Variants in SPRY3 observed in about 807,000 individuals in gnomAD.
SPRY3 encodes the protein sprouty RTK signaling antagonist 3, also known as protein sprouty homolog 3.
SPRY3 carries 15 observed loss-of-function variants against 20.2 expected under a neutral mutation model. The observed-to-expected ratio is 0.74, with a 90% CI of 0.50 to 1.14. The LOEUF (loss-of-function observed/expected upper bound fraction) is 1.14, where lower values mean the gene tolerates loss of function less well. SPRY3 is among the 50% of genes most tolerant of loss of function. The pLI, the probability that SPRY3 is intolerant of heterozygous loss-of-function variation, is 0.00. For synonymous variants in SPRY3, 143 were observed against 136.5 expected (o/e 1.05, Z -0.33); for missense variants, 364 against 363.9 (o/e 1.00, Z 0.00).
At chrX:155,673,181 T>A (rs868961692) in intron 2 of SPRY3, among the ~76,000 whole-genome samples, 32 of 105,020 alleles carry the variant, frequency 3.0e-4, no homozygotes, top group African/African-American at 1.0e-3. Flanking sequence ...AACCTGAACA[T>A]TGTGCACATG....
chrX:155,618,780 T>G (rs1427426211), intron 1 of SPRY3, among the ~76,000 whole-genome samples: 1 of 111,674 alleles, frequency 9.0e-6, no homozygotes, highest in Non-Finnish European at 1.9e-5. Flanking sequence ...TAATTTGCCT[T>G]TCTCTGATGA....
chrX:155,650,973 A>G (rs1569562499), intron 1 of SPRY3, among the ~76,000 whole-genome samples: 1 of 111,964 alleles, frequency 8.9e-6, no homozygotes, highest in Non-Finnish European at 1.9e-5. Flanking sequence ...TTTTTCTAAG[A>G]AAACACAAAG....
chrX:155,779,749 T>TA (rs1291871237), downstream of SPRY3: 1 of 166,986 alleles, frequency 6.0e-6, no homozygotes, highest in African/African-American at 2.4e-5. Flanking sequence ...GCTGGCTTTT[T>TA]AAAAAATATT....
chrX:155,759,316 A>G (rs2091295299), intron 2 of SPRY3, among the ~76,000 whole-genome samples: 1 of 151,774 alleles, frequency 6.6e-6, no homozygotes, highest in Non-Finnish European at 1.5e-5. Context: ...AAACCATCAC[A>G]CCTGGCCAAA....
Position 155,747,864 on chromosome X carries a change from A to G in SPRY3, c.-281-20098A>G, listed in dbSNP as rs2091236946. On this transcript the variant is annotated intron_variant, in intron 2 of 3. Transcript: ENST00000675360. Reference sequence around the variant, plus strand: ...TTTTTTTTTTAATTTCCAATCGGCCATGGACTTTTGTAAAATACGAAATGA... The same window carrying G: ...TTTTTTTTTTAATTTCCAATCGGCCGTGGACTTTTGTAAAATACGAAATGA... 1.3e-5 allele frequency among the ~76,000 whole-genome samples: 2 copies of G among 151,842 alleles called. 1 individual carries two copies. Among genetic ancestry groups the G allele is most frequent in the Admixed American group, 1.3e-4 (2 of 15,196 alleles).
chrX:155,732,075 G>A (rs2091136491), intron 2 of SPRY3, among the ~76,000 whole-genome samples: 3 of 151,970 alleles, frequency 2.0e-5, no homozygotes, highest in Non-Finnish European at 2.9e-5. Flanking sequence ...TAGATGTCAC[G>A]TTAACATTGT....
intron 2 of SPRY3, among the ~76,000 whole-genome samples, chrX:155,696,113 A>G (rs2068117579): frequency 9.1e-6 from 1 of 110,222 alleles, no homozygotes; most frequent in Non-Finnish European, 1.9e-5. Context: ...AGAAAATTTA[A>G]CGGGGAACTT....
chrX:155,613,730 G>C (rs1004713621), intron 1 of SPRY3, among the ~76,000 whole-genome samples: 1 of 111,324 alleles, frequency 9.0e-6, no homozygotes, highest in Non-Finnish European at 1.9e-5. Flanking sequence ...ACGGCTACTC[G>C]TTATTTTTGA....
At chrX:155,751,666 A>G (rs2091262689) in intron 2 of SPRY3, among the ~76,000 whole-genome samples, 1 of 151,720 alleles carries the variant, frequency 6.6e-6, no homozygotes, top group South Asian at 2.1e-4. Context: ...AGACACAAAT[A>G]TGACAAATGT....
chrX:155,724,733 T>C, intron 2 of SPRY3, among the ~76,000 whole-genome samples: 1 of 152,194 alleles, frequency 6.6e-6, no homozygotes, highest in East Asian at 1.9e-4. Flanking sequence ...GACAATGGGG[T>C]TTTCTAAATA....
intron 1 of SPRY3, among the ~76,000 whole-genome samples, chrX:155,638,526 C>T (rs189824779): frequency 3.6e-4 from 38 of 106,371 alleles, no homozygotes; most frequent in African/African-American, 1.2e-3. Flanking sequence ...TTGCACTATA[C>T]ATCAAGTCCT....
chrX:155,758,804 C>T (rs2063665234), intron 2 of SPRY3, among the ~76,000 whole-genome samples: 1 of 152,166 alleles, frequency 6.6e-6, no homozygotes, highest in Non-Finnish European at 1.5e-5. Flanking sequence ...ACTTTTGACA[C>T]TATATTGGAC....
At chrX:155,714,583 G>A (rs1047889810) in intron 2 of SPRY3, among the ~76,000 whole-genome samples, 11 of 152,198 alleles carry the variant, frequency 7.2e-5, no homozygotes, top group African/African-American at 1.7e-4. Flanking sequence ...CATCCCTGTG[G>A]CCACCACTAG....
chrX:155,768,560 T>C (rs1271293720), intron 3 of SPRY3, among the ~76,000 whole-genome samples: 1 of 152,200 alleles, frequency 6.6e-6, no homozygotes, highest in Non-Finnish European at 1.5e-5. Flanking sequence ...GGCTAGCCTC[T>C]GCTATTGGCT....
chrX:155,729,114 G>A (rs576218135), intron 2 of SPRY3, among the ~76,000 whole-genome samples: 5 of 152,084 alleles, frequency 3.3e-5, no homozygotes, highest in Admixed American at 1.3e-4. Context: ...TACAATAATA[G>A]CTGGAGACTT....
chrX:155,740,138 T>A (rs1465249969), intron 2 of SPRY3, among the ~76,000 whole-genome samples: 1 of 152,200 alleles, frequency 6.6e-6, no homozygotes, highest in Non-Finnish European at 1.5e-5. Context: ...CTTTTATAAT[T>A]TCTTACGCCT....
chrX:155,617,518 C>T lies in SPRY3; in HGVS notation c.-441+4871C>T, dbSNP rs1486106445. On this transcript the variant is annotated intron_variant, in intron 1 of 3. Transcript: ENST00000675360. Reference sequence around the variant, plus strand: ...CTTTGCCTGGTGACTATTTTCTGATCCCAGCATCAAGAGCTAGATTCCAAG... The same window carrying T: ...CTTTGCCTGGTGACTATTTTCTGATTCCAGCATCAAGAGCTAGATTCCAAG... 2.7e-5 allele frequency among the ~76,000 whole-genome samples: 3 copies of T among 111,733 alleles called. No homozygotes were observed. The Admixed American group carries it at 2.9e-4, about 11-fold the overall frequency.
intron 2 of SPRY3, among the ~76,000 whole-genome samples, chrX:155,738,150 G>A (rs1251774950): frequency 6.6e-6 from 1 of 151,734 alleles, no homozygotes; most frequent in Non-Finnish European, 1.5e-5. Context: ...TTATACCTGA[G>A]ACCAAAAGCA....
chrX:155,741,549 T>C, intron 2 of SPRY3, among the ~76,000 whole-genome samples: 1 of 151,854 alleles, frequency 6.6e-6, no homozygotes, highest in East Asian at 1.9e-4. Flanking sequence ...AGACACATAA[T>C]CATCAGATTC....
Sources: gnomAD v4.1 joint callset for allele counts (sites outside exome capture counted in the v4.1 genomes callset) on GRCh38, gnomAD v4.1.1 for gene constraint, MANE v1.5 for transcripts, NCBI Gene and HGNC (gene_info 2026-07-23, HGNC 2026-07-21) for gene names.